Variants in PKNOX2 observed in about 807,000 individuals in gnomAD.
PKNOX2 encodes the protein PBX/knotted 1 homeobox 2.
Under a neutral mutation model 53.1 loss-of-function variants are expected in PKNOX2, and 14 were observed. That is an observed-to-expected ratio of 0.26 (90% CI 0.17 to 0.41). The LOEUF is 0.41. PKNOX2 is among the 10% of genes least tolerant of loss of function. PKNOX2 has a pLI of 1.00. For missense variants in PKNOX2, 496 were observed against 602.8 expected, an observed-to-expected ratio of 0.82 and a Z score of 1.85; for synonymous variants, 257 against 242.8, an observed-to-expected ratio of 1.06 and a Z score of -0.54.
At chr11:125,353,050 C>A (rs1177200991) in intron 4 of PKNOX2, among the ~76,000 whole-genome samples, 2 of 152,208 alleles carry the variant, frequency 1.3e-5, no homozygotes, top group Non-Finnish European at 2.9e-5. Flanking sequence ...TTGATAGCAG[C>A]AGACCCATTC....
intron 2 of PKNOX2, among the ~76,000 whole-genome samples, chr11:125,289,609 C>T (rs572351142): frequency 1.3e-5 from 2 of 152,300 alleles, no homozygotes; most frequent in East Asian, 3.9e-4. Flanking sequence ...CCAGATTTGA[C>T]CAAACAATTG....
At chr11:125,203,155 T>C (rs1409727755) in intron 1 of PKNOX2, among the ~76,000 whole-genome samples, 1 of 152,232 alleles carries the variant, frequency 6.6e-6, no homozygotes, top group Non-Finnish European at 1.5e-5. Context: ...TTTATTTATA[T>C]GAGACAGGCT....
At chr11:125,242,682 G>A (rs1943254186) in intron 2 of PKNOX2, among the ~76,000 whole-genome samples, 1 of 152,220 alleles carries the variant, frequency 6.6e-6, no homozygotes, top group Admixed American at 6.5e-5. Flanking sequence ...GGCGGGTTGT[G>A]TGTGAGTGTG....
chr11:125,261,772 T>G (rs1442014031), intron 2 of PKNOX2, among the ~76,000 whole-genome samples: 1 of 152,216 alleles, frequency 6.6e-6, no homozygotes, highest in African/African-American at 2.4e-5. Flanking sequence ...AATGCCGCTC[T>G]TTCCGATCTG....
intron 7 of PKNOX2, among the ~76,000 whole-genome samples, chr11:125,409,432 C>T (rs897153535): frequency 5.3e-5 from 8 of 152,144 alleles, no homozygotes. Flanking sequence ...CTGTGGGCAG[C>T]CTGAGGAAGA....
At chr11:125,192,539 T>A (rs1211957857) in intron 1 of PKNOX2, among the ~76,000 whole-genome samples, 1 of 152,168 alleles carries the variant, frequency 6.6e-6, no homozygotes, top group Non-Finnish European at 1.5e-5. Context: ...CCTACAAAAG[T>A]GCCTTCTGCT....
chr11:125,328,692 A>C (rs1007978010), intron 2 of PKNOX2, among the ~76,000 whole-genome samples: 5 of 152,326 alleles, frequency 3.3e-5, no homozygotes, highest in East Asian at 3.9e-4. Context: ...TTTAGCACTT[A>C]CTACTGCAGG....
chr11:125,316,626 T>C (rs894658578), intron 2 of PKNOX2, among the ~76,000 whole-genome samples: 3 of 152,224 alleles, frequency 2.0e-5, no homozygotes, highest in African/African-American at 7.2e-5. Flanking sequence ...TATACTGTAG[T>C]CTATTAAGTG....
At chr11:125,419,384 A>G (rs80102593) in intron 10 of PKNOX2, among the ~76,000 whole-genome samples, 11,679 of 151,384 alleles carry the variant, frequency 0.077, 555 homozygotes, top group African/African-American at 0.1. Flanking sequence ...TGCCTTGGAA[A>G]ATGCTGAGAG....
At chr11:125,380,087 G>A (rs979085224) in intron 5 of PKNOX2, among the ~76,000 whole-genome samples, 2 of 152,192 alleles carry the variant, frequency 1.3e-5, no homozygotes, top group African/African-American at 4.8e-5. Context: ...CCCTCTCCCT[G>A]AGCTGAGCTG....
intron 2 of PKNOX2, among the ~76,000 whole-genome samples, chr11:125,304,487 C>T (rs1039371157): frequency 2.0e-5 from 3 of 152,188 alleles, no homozygotes; most frequent in Non-Finnish European, 2.9e-5. Flanking sequence ...GGAAGGGGCA[C>T]GTGGGAAGGG....
chr11:125,182,178 G>A (rs1956192058), intron 1 of PKNOX2, among the ~76,000 whole-genome samples: 1 of 152,170 alleles, frequency 6.6e-6, no homozygotes, highest in Non-Finnish European at 1.5e-5. Context: ...AGTTTGCCCA[G>A]GATTGTAACG....
intron 1 of PKNOX2, among the ~76,000 whole-genome samples, chr11:125,188,524 A>G (rs973607097): frequency 3.9e-5 from 6 of 152,230 alleles, no homozygotes; most frequent in Non-Finnish European, 7.3e-5. Context: ...TTAACAGATG[A>G]GTCTGAGAGA....
chr11:125,212,916 C>G (rs181668522), intron 1 of PKNOX2, among the ~76,000 whole-genome samples: 1 of 152,058 alleles, frequency 6.6e-6, no homozygotes, highest in Admixed American at 6.5e-5. Context: ...AAGACTTCAA[C>G]GGGTTCCATG....
At chr11:125,219,134 C>T (rs1215280863) in intron 1 of PKNOX2, among the ~76,000 whole-genome samples, 1 of 152,102 alleles carries the variant, frequency 6.6e-6, no homozygotes, top group African/African-American at 2.4e-5. Context: ...TTTAAACTAC[C>T]ATCAAGAATT....
At chr11:125,198,743 T>A in intron 1 of PKNOX2, among the ~76,000 whole-genome samples, 1 of 149,260 alleles carries the variant, frequency 6.7e-6, no homozygotes, top group African/African-American at 2.4e-5. Flanking sequence ...CTGCTTCTCC[T>A]CTGATTTTTT....
intron 1 of PKNOX2, among the ~76,000 whole-genome samples, chr11:125,188,777 G>A (rs1565464745): frequency 2.6e-5 from 4 of 152,096 alleles, no homozygotes; most frequent in Admixed American, 2.0e-4. Context: ...TTTCTGGGTC[G>A]CTGGAGGTGT....
intron 2 of PKNOX2, among the ~76,000 whole-genome samples, chr11:125,306,601 G>T (rs183510092): frequency 3.3e-5 from 5 of 152,224 alleles, no homozygotes; most frequent in Non-Finnish European, 5.9e-5. Flanking sequence ...CAGTTATTGT[G>T]AGATAATGGT....
At chr11:125,278,643 G>T (rs1946344818) in intron 2 of PKNOX2, among the ~76,000 whole-genome samples, 1 of 152,204 alleles carries the variant, frequency 6.6e-6, no homozygotes, top group Admixed American at 6.5e-5. Context: ...GGGCCGACTT[G>T]CTGGATTAGT....
Sources: gnomAD v4.1 joint callset for allele counts (sites outside exome capture counted in the v4.1 genomes callset) on GRCh38, gnomAD v4.1.1 for gene constraint, MANE v1.5 for transcripts, NCBI Gene and HGNC (gene_info 2026-07-23, HGNC 2026-07-21) for gene names.